The following DOCK1 variants were observed in gnomAD, a reference collection of about 807,000 sequenced individuals.
The protein encoded by DOCK1 is dedicator of cytokinesis protein 1.
A neutral mutation model predicts 262.7 loss-of-function variants in DOCK1; 138 were observed. That is an observed-to-expected ratio of 0.53 (90% CI 0.46 to 0.61). DOCK1 has a LOEUF of 0.61. Ranked by LOEUF, DOCK1 falls within the 20% of genes least tolerant of loss-of-function variation. The pLI is 0.00. For missense variants in DOCK1, 1,908 were observed against 2,370.7 expected, an observed-to-expected ratio of 0.80 and a Z score of 4.05; for synonymous variants, 866 against 867.4, an observed-to-expected ratio of 1.00 and a Z score of 0.03.
chr10:127,392,372 G>A (rs1466812348), intron 38 of DOCK1, among the ~76,000 whole-genome samples: 2 of 152,124 alleles, frequency 1.3e-5, no homozygotes, highest in Non-Finnish European at 2.9e-5. Context: ...CAGAGGCAGT[G>A]GCTGTGGCTG....
At chr10:127,278,068 T>A (rs1289581929) in intron 29 of DOCK1, among the ~76,000 whole-genome samples, 1 of 152,198 alleles carries the variant, frequency 6.6e-6, no homozygotes, top group Admixed American at 6.5e-5. Flanking sequence ...CTCTTAGCTG[T>A]AGACACCACA....
At position 127,438,388 on chromosome 10, in the gene DOCK1, C is replaced by T. The variant is rs191509774; in HGVS notation, c.5061-639C>T. ...CAGAAGGGTGGTGGTGTCTTTATAC[C>T]CTTTTATAAGTGAGACAGCTGCCAG... is the stretch of plus-strand genomic sequence containing the variant. On this transcript the variant is annotated intron_variant, in intron 48 of 51. Transcript: ENST00000623213. Among the ~76,000 whole-genome samples, 482 of 152,280 alleles carry T rather than the reference C, an allele frequency of 3.2e-3. 2 individuals are homozygous for T. The highest frequency in any genetic ancestry group is 0.01 in the African/African-American group (429 of 41,554).
chr10:127,297,903 A>G (rs932734785), intron 29 of DOCK1, among the ~76,000 whole-genome samples: 10 of 152,054 alleles, frequency 6.6e-5, no homozygotes, highest in African/African-American at 2.4e-4. Context: ...ACCTATTGGG[A>G]TGCCTTCTTC....
intron 16 of DOCK1, among the ~76,000 whole-genome samples, chr10:127,028,196 G>A (rs996085594): frequency 6.6e-6 from 1 of 152,152 alleles, no homozygotes; most frequent in Non-Finnish European, 1.5e-5. Flanking sequence ...AGAAGCAGGG[G>A]CAGGAAGGCC....
intron 1 of DOCK1, among the ~76,000 whole-genome samples, chr10:126,962,246 G>A (rs995725378): frequency 4.0e-5 from 6 of 151,214 alleles, no homozygotes; most frequent in East Asian, 2.0e-4. Flanking sequence ...TGCAACCTCC[G>A]CCTCCCCGGT....
intron 6 of DOCK1, among the ~76,000 whole-genome samples, chr10:126,991,340 T>C (rs1165796286): frequency 6.6e-6 from 1 of 152,172 alleles, no homozygotes; most frequent in Non-Finnish European, 1.5e-5. Context: ...CCTGGTAATA[T>C]TTAGTTTTCA....
intron 13 of DOCK1, among the ~76,000 whole-genome samples, chr10:127,021,761 A>T (rs185772770): frequency 3.5e-3 from 537 of 152,290 alleles, no homozygotes; most frequent in African/African-American, 0.011. Context: ...GATTATGATG[A>T]TAATGACTTT....
intron 35 of DOCK1, among the ~76,000 whole-genome samples, chr10:127,378,401 G>A (rs1014921276): frequency 3.3e-5 from 5 of 152,130 alleles, no homozygotes; most frequent in African/African-American, 7.2e-5. Context: ...GTCAGTCAGC[G>A]CTGGTGTGGG....
chr10:127,222,333 T>A (rs2058467495), intron 27 of DOCK1, among the ~76,000 whole-genome samples: 1 of 152,240 alleles, frequency 6.6e-6, no homozygotes, highest in East Asian at 1.9e-4. Context: ...TCTCTTCACA[T>A]CTCTGAAAAA....
At chr10:127,153,790 T>G in intron 27 of DOCK1, 1 of 1,305,618 alleles carries the variant, frequency 7.7e-7, no homozygotes, top group Non-Finnish European at 1.1e-6. Flanking sequence ...TTCTTGCATT[T>G]GTGGGTAAAC....
chr10:127,377,849 ACCACTGCACT>A (rs1182798482), intron 35 of DOCK1, among the ~76,000 whole-genome samples: 1 of 147,874 alleles, frequency 6.8e-6, no homozygotes, highest in Non-Finnish European at 1.5e-5. Context: ...CCTAGATCAC[ACCACTGCACT>A]CCAGCCTGGG....
At chr10:126,929,895 C>A (rs997381241) in intron 1 of DOCK1, among the ~76,000 whole-genome samples, 1 of 152,190 alleles carries the variant, frequency 6.6e-6, no homozygotes, top group African/African-American at 2.4e-5. Context: ...GTGCAGCCAC[C>A]GCCACTGCGT....
intron 19 of DOCK1, 96 bp downstream of exon 19, chr10:127,037,912 G>T (rs1262167795): frequency 2.0e-6 from 2 of 1,005,100 alleles, no homozygotes; most frequent in Non-Finnish European, 2.8e-6. Context: ...AGGTAGTATA[G>T]GATTGTGGTT....
At chr10:127,389,629 G>C (rs1436050184) in intron 38 of DOCK1, among the ~76,000 whole-genome samples, 1 of 152,122 alleles carries the variant, frequency 6.6e-6, no homozygotes, top group Non-Finnish European at 1.5e-5. Context: ...GGTGGGGCCT[G>C]GTGGGAGGTG....
At chr10:127,261,126 TGCCTGCATGTGTGTGC>T (rs2060059226) in intron 29 of DOCK1, among the ~76,000 whole-genome samples, 7 of 147,004 alleles carry the variant, frequency 4.8e-5, no homozygotes, top group South Asian at 2.2e-4. Flanking sequence ...CATGTGTGTG[TGCCTGCATGTGTGTGC>T]GTGTGTACCC....
intron 28 of DOCK1, among the ~76,000 whole-genome samples, chr10:127,255,339 A>G (rs2498932): frequency 0.6 from 91,122 of 152,068 alleles, 27,506 homozygotes; most frequent in South Asian, 0.75. Context: ...GGTTGAAGCT[A>G]CAGTGAACTA....
rs141215938 is a variant in DOCK1, at chr10:127,418,346, C to T, written c.4516-19C>T. On this transcript the variant is annotated intron_variant, in intron 44 of 51. Transcript: ENST00000623213. ...AGGCAGCTGTGGGGCTGACATCGGG[C>T]TCTCCTCTCTCTTTGCAGGTGGAAA... 2.6e-5 allele frequency: 42 copies of T among 1,590,210 alleles called. No homozygotes were observed. In the Admixed American group the frequency reaches 6.0e-4, roughly 23 times the overall value.
At chr10:127,342,132 C>A (rs957442222) in intron 30 of DOCK1, among the ~76,000 whole-genome samples, 3 of 151,870 alleles carry the variant, frequency 2.0e-5, no homozygotes, top group Non-Finnish European at 2.9e-5. Context: ...TTAAAGGGAG[C>A]AGGTAGAAAT....
At chr10:126,955,862 G>A (rs1241603092) in intron 1 of DOCK1, among the ~76,000 whole-genome samples, 1 of 152,104 alleles carries the variant, frequency 6.6e-6, no homozygotes, top group Non-Finnish European at 1.5e-5. Flanking sequence ...AGTTAACTAA[G>A]GAAAGATTCG....
Sources: gnomAD v4.1 joint callset for allele counts (sites outside exome capture counted in the v4.1 genomes callset) on GRCh38, gnomAD v4.1.1 for gene constraint, MANE v1.5 for transcripts, NCBI Gene and HGNC (gene_info 2026-07-23, HGNC 2026-07-21) for gene names.